The following XPO7 variants were observed in gnomAD, a reference collection of about 807,000 sequenced individuals.
The protein encoded by XPO7 is exportin 7.
In XPO7, 21 loss-of-function variants were observed where a neutral mutation model predicts 144.3. That is an observed-to-expected ratio of 0.15 (90% CI 0.10 to 0.21). XPO7 has a LOEUF of 0.21. Ranked by LOEUF, XPO7 falls within the 10% of genes least tolerant of loss-of-function variation. The probability of loss-of-function intolerance (pLI) is 1.00; values close to 1 mark genes in which losing one functional copy is unlikely to be tolerated. For missense variants in XPO7, 808 were observed against 1,325.8 expected (o/e 0.61, Z 6.06); for synonymous variants, 580 against 499.6 (o/e 1.16, Z -2.15).
chr8:21,980,789 A>G (rs1411628302), intron 9 of XPO7, among the ~76,000 whole-genome samples: 2 of 152,166 alleles, frequency 1.3e-5, no homozygotes, highest in East Asian at 3.9e-4. Flanking sequence ...AAAAAAAAAA[A>G]ACTAACATTT....
rs369485941 is a variant in XPO7 at position 22,003,998 on chromosome 8, C to T, written c.3138C>T (p.Ile1046=). The T allele has an allele frequency of 5.0e-6, 8 of 1,613,744 alleles. No individual in the cohort carries two copies. The highest frequency in any genetic ancestry group is 5.9e-6 in the Non-Finnish European group (7 of 1,179,822). ...GTTTTGAGAACCTGATGGAAGGCAT[C>T]GAGCGAAATCTTCTTACGAAAAACA... ...HLCFENLMEG[I]ERNLLTKNRD... Residue 1046 remains isoleucine (I), a synonymous_variant, in exon 27 of 28, where the codon ATC becomes ATT. Transcript: ENST00000252512.
At chr8:21,969,355 A>G (rs1190518100) in intron 2 of XPO7, 128 bp from the exon 3 acceptor site, 3 of 740,178 alleles carry the variant, frequency 4.1e-6, no homozygotes, top group Non-Finnish European at 6.7e-6. Flanking sequence ...ACCCTCTAAA[A>G]TCCAGAGGAT....
At chr8:21,973,408 G>A (rs957595182) in intron 5 of XPO7, among the ~76,000 whole-genome samples, 1 of 152,156 alleles carries the variant, frequency 6.6e-6, no homozygotes, top group Non-Finnish European at 1.5e-5. Flanking sequence ...ATAACAGATT[G>A]TATGATACAT....
At chr8:21,991,595 T>C (rs928229138) in intron 18 of XPO7, 2 of 257,994 alleles carry the variant, frequency 7.8e-6, no homozygotes, top group African/African-American at 4.5e-5. Flanking sequence ...ATAAATAACA[T>C]AGTACCTTAC....
chr8:21,984,896 C>G, intron 12 of XPO7, 57 bp downstream of exon 12: 2 of 1,562,016 alleles, frequency 1.3e-6, no homozygotes, highest in South Asian at 1.2e-5. Flanking sequence ...GTCTAGTACC[C>G]CTTCGCTCAT....
At chr8:21,965,904 G>C (rs867259138) in intron 1 of XPO7, among the ~76,000 whole-genome samples, 1 of 152,136 alleles carries the variant, frequency 6.6e-6, no homozygotes, top group Non-Finnish European at 1.5e-5. Flanking sequence ...AACTATCCTT[G>C]CTGCTGGTGA....
At chr8:21,947,780 A>T (rs1563317056) in intron 1 of XPO7, among the ~76,000 whole-genome samples, 1 of 152,338 alleles carries the variant, frequency 6.6e-6, no homozygotes, top group South Asian at 2.1e-4. Context: ...AAAGCAATCT[A>T]CAAAGTGGGA....
At chr8:21,939,268 C>T (rs1256857547) in intron 1 of XPO7, among the ~76,000 whole-genome samples, 5 of 148,896 alleles carry the variant, frequency 3.4e-5, no homozygotes, top group Admixed American at 1.3e-4. Flanking sequence ...CTTGCTGAGG[C>T]TGAAGTGCAG....
chr8:21,920,813 G>A (rs2117227245), intron 1 of XPO7, among the ~76,000 whole-genome samples: 1 of 152,304 alleles, frequency 6.6e-6, no homozygotes, highest in African/African-American at 2.4e-5. Flanking sequence ...TTGTGTTGTG[G>A]CAAGGAAAGA....
intron 3 of XPO7, chr8:21,969,849 T>C (rs1811995720): frequency 1.7e-5 from 9 of 543,488 alleles, no homozygotes; most frequent in Admixed American, 3.7e-5. Context: ...AGAAAAACAT[T>C]GTTAATGATT....
intron 2 of XPO7, among the ~76,000 whole-genome samples, chr8:21,968,969 A>G (rs1445126203): frequency 2.6e-5 from 4 of 152,232 alleles, no homozygotes; most frequent in South Asian, 2.1e-4. Context: ...CCCCAGCCCA[A>G]TAGCTGATTG....
chr8:21,973,310 AAAAAACTTC>A (rs1812125670), intron 5 of XPO7, among the ~76,000 whole-genome samples: 1 of 152,224 alleles, frequency 6.6e-6, no homozygotes, highest in Non-Finnish European at 1.5e-5. Flanking sequence ...TATGTATAAT[AAAAAACTTC>A]AAGATTTTAC....
chr8:21,981,650 C>G (rs1812415164), intron 9 of XPO7, 81 bp from the exon 10 acceptor site: 2 of 1,536,370 alleles, frequency 1.3e-6, no homozygotes, highest in Non-Finnish European at 1.8e-6. Context: ...CCCCTTCCCC[C>G]ATGCCATCTC....
chr8:21,924,717 A>G (rs1200778381), intron 1 of XPO7, among the ~76,000 whole-genome samples: 2 of 152,164 alleles, frequency 1.3e-5, no homozygotes, highest in Admixed American at 6.5e-5. Context: ...GTTTAAATAT[A>G]TGTTTCTTTT....
intron 1 of XPO7, among the ~76,000 whole-genome samples, chr8:21,933,993 G>A (rs1270695422): frequency 6.6e-6 from 1 of 152,092 alleles, no homozygotes; most frequent in African/African-American, 2.4e-5. Context: ...GAAAGAAAAT[G>A]TACAAGTAAA....
At chr8:21,934,668 G>A (rs1449567413) in intron 1 of XPO7, among the ~76,000 whole-genome samples, 3 of 152,198 alleles carry the variant, frequency 2.0e-5, no homozygotes, top group Admixed American at 6.5e-5. Context: ...AGACAAAGAC[G>A]TGGATGAACT....
chr8:22,001,437 G>A (rs1398188837), intron 24 of XPO7, among the ~76,000 whole-genome samples: 3 of 152,138 alleles, frequency 2.0e-5, no homozygotes, highest in Non-Finnish European at 2.9e-5. Context: ...TACCTCATCA[G>A]AGTTCTGTCC....
intron 1 of XPO7, among the ~76,000 whole-genome samples, chr8:21,920,672 G>A (rs1810250949): frequency 6.6e-6 from 1 of 152,116 alleles, no homozygotes; most frequent in African/African-American, 2.4e-5. Context: ...AGGACTGCAG[G>A]GTTTAATTTC....
At position 22,003,984 on chromosome 8, in the gene XPO7, C is replaced by T; in HGVS notation, c.3124C>T (p.Leu1042=). 6.2e-7 allele frequency: 1 copy of T among 1,613,844 alleles called. No individual in the cohort carries two copies. Among genetic ancestry groups the T allele is most frequent in the East Asian group, 2.2e-5 (1 of 44,874 alleles). The change falls in exon 27 of 28, where the codon CTG becomes TTG. Residue 1042 remains leucine, a synonymous_variant. Coordinates refer to ENST00000252512, the MANE Select transcript of XPO7 (RefSeq NM_015024.5). The part of the protein sequence containing the change: ...QQAMHLCFEN[L]MEGIERNLLT... ...GGCCATGCACCTGTGTTTTGAGAAC[C>T]TGATGGAAGGCATCGAGCGAAATCT...
Sources: gnomAD v4.1 joint callset for allele counts (sites outside exome capture counted in the v4.1 genomes callset) on GRCh38, gnomAD v4.1.1 for gene constraint, MANE v1.5 for transcripts, NCBI Gene and HGNC (gene_info 2026-07-23, HGNC 2026-07-21) for gene names.